RASSF8: variants seen among roughly 807,000 people sequenced by gnomAD.
The protein encoded by RASSF8 is ras association domain-containing protein 8.
RASSF8 carries 22 observed loss-of-function variants against 48.5 expected under a neutral mutation model. That is an observed-to-expected ratio of 0.45 (90% CI 0.32 to 0.65). The LOEUF is 0.65. Ranked by LOEUF, RASSF8 falls within the 30% of genes least tolerant of loss-of-function variation. The pLI, the probability that RASSF8 is intolerant of heterozygous loss-of-function variation, is 0.03. For missense variants in RASSF8, 418 were observed against 489.2 expected, an observed-to-expected ratio of 0.85 and a Z score of 1.37; for synonymous variants, 127 against 171.5, an observed-to-expected ratio of 0.74 and a Z score of 2.03.
chr12:26,067,914 C>A lies in RASSF8; in HGVS notation c.1138+201C>A, dbSNP rs539889442. ...CTGTAGCCGGGGCTACAGGTGCATG[C>A]CACCATACCTGGCTGATTTTCTTTT... On this transcript the variant is annotated intron_variant, in intron 5 of 5. Transcript: ENST00000689635. Among the ~76,000 whole-genome samples, 241 of 152,158 alleles carry A rather than the reference C, an allele frequency of 1.6e-3. 1 individual carries two copies. The highest frequency in any genetic ancestry group is 5.5e-3 in the African/African-American group (229 of 41,518).
At chr12:25,965,747 A>G (rs905420328) in intron 1 of RASSF8, among the ~76,000 whole-genome samples, 8 of 152,168 alleles carry the variant, frequency 5.3e-5, no homozygotes, top group African/African-American at 1.9e-4. Context: ...GAGTAGTTCA[A>G]ATTTTCTGGA....
At chr12:26,075,886 G>A (rs2729626), downstream of RASSF8, among the ~76,000 whole-genome samples, 3 of 152,074 alleles carry the variant, frequency 2.0e-5, no homozygotes, top group East Asian at 1.9e-4. Context: ...GCTCACCAGA[G>A]AAGCCACTGT....
rs553594491 is a variant in RASSF8 at position 25,974,401 on chromosome 12, T to C, written c.-203+15253T>C. ...TGGAAGTCCACATTGAATTGGAACA[T>C]GTTTTTCCAAAGGTATTTATCCTAC... On this transcript the variant is annotated intron_variant, in intron 1 of 5. Coordinates refer to ENST00000689635, the MANE Select transcript of RASSF8 (RefSeq NM_001394098.1). Among the ~76,000 whole-genome samples, 81 of 152,164 alleles carry C rather than the reference T, an allele frequency of 5.3e-4. 1 individual carries two copies. The highest frequency in any genetic ancestry group is 1.9e-3 in the African/African-American group (80 of 41,530).
intron 4 of RASSF8, among the ~76,000 whole-genome samples, chr12:26,066,676 G>A (rs937795347): frequency 3.9e-5 from 6 of 152,158 alleles, no homozygotes; most frequent in Admixed American, 2.0e-4. Flanking sequence ...ACTGAAAAGT[G>A]TCTGATAATC....
At chr12:25,983,708 A>C (rs1941798373) in intron 1 of RASSF8, among the ~76,000 whole-genome samples, 1 of 151,774 alleles carries the variant, frequency 6.6e-6, no homozygotes, top group Non-Finnish European at 1.5e-5. Flanking sequence ...GAAAAAAAAC[A>C]AAAAAGCTGG....
chr12:25,977,479 T>A (rs1480584567), intron 1 of RASSF8, among the ~76,000 whole-genome samples: 1 of 152,002 alleles, frequency 6.6e-6, no homozygotes, highest in African/African-American at 2.4e-5. Context: ...TATGATTATT[T>A]TGATTTTTTT....
intron 2 of RASSF8, among the ~76,000 whole-genome samples, chr12:26,012,623 A>G (rs1183962962): frequency 1.3e-5 from 2 of 151,194 alleles, no homozygotes; most frequent in Non-Finnish European, 2.9e-5. Context: ...TGGGCCTATG[A>G]TTAGTATCCA....
At chr12:25,961,953 A>G (rs1941245437) in intron 1 of RASSF8, among the ~76,000 whole-genome samples, 1 of 152,122 alleles carries the variant, frequency 6.6e-6, no homozygotes, top group Admixed American at 6.5e-5. Context: ...CTATTCTGCC[A>G]TCCTAATGCA....
intron 2 of RASSF8, among the ~76,000 whole-genome samples, chr12:26,003,656 A>G (rs1942315522): frequency 6.6e-6 from 1 of 152,162 alleles, no homozygotes; most frequent in African/African-American, 2.4e-5. Context: ...GAAACATACT[A>G]AAGTGTTAAT....
At chr12:25,971,766 A>C (rs955070985) in intron 1 of RASSF8, among the ~76,000 whole-genome samples, 1 of 152,260 alleles carries the variant, frequency 6.6e-6, no homozygotes, top group African/African-American at 2.4e-5. Flanking sequence ...TTGTAGATAC[A>C]GCAGACACAT....
chr12:26,051,996 A>T (rs1173658990), intron 2 of RASSF8, among the ~76,000 whole-genome samples: 2 of 152,194 alleles, frequency 1.3e-5, no homozygotes, highest in African/African-American at 4.8e-5. Context: ...ACTCACAAAA[A>T]ACATGGCACC....
At chr12:26,042,997 C>A (rs1365866988) in intron 2 of RASSF8, among the ~76,000 whole-genome samples, 1 of 152,146 alleles carries the variant, frequency 6.6e-6, no homozygotes, top group African/African-American at 2.4e-5. Flanking sequence ...CCATTCCCCC[C>A]CTAGTTAAGC....
At chr12:26,040,367 G>T (rs1943237612) in intron 2 of RASSF8, among the ~76,000 whole-genome samples, 2 of 152,226 alleles carry the variant, frequency 1.3e-5, no homozygotes, top group Non-Finnish European at 2.9e-5. Flanking sequence ...GCTAATATCA[G>T]TGAGGTAGGA....
At chr12:26,059,837 T>C (rs1323584642) in intron 3 of RASSF8, among the ~76,000 whole-genome samples, 1 of 152,240 alleles carries the variant, frequency 6.6e-6, no homozygotes, top group African/African-American at 2.4e-5. Flanking sequence ...TAGTGTTTTC[T>C]ACTTATTTTG....
chr12:25,971,493 C>T (rs1941482874), intron 1 of RASSF8, among the ~76,000 whole-genome samples: 1 of 152,102 alleles, frequency 6.6e-6, no homozygotes, highest in South Asian at 2.1e-4. Flanking sequence ...GATCTCTCTT[C>T]TGTGTTCTGG....
chr12:26,068,971 G>C lies in RASSF8; in HGVS notation c.*153G>C. The C allele has an allele frequency of 7.3e-7, 1 of 1,379,242 alleles. No individual in the cohort carries two copies. The highest frequency in any genetic ancestry group is 9.4e-7 in the Non-Finnish European group (1 of 1,066,984). The allele number at this position is 1,379,242 out of a possible 1,614,324, so 85.4% of individuals were successfully genotyped here. A position where few individuals can be genotyped will look rare whatever the true frequency, so the allele number is the denominator to read the frequency against. The stretch of plus-strand genomic sequence containing the variant: ...TGCATACCACTTGGAGCCATACCCT[G>C]TGCACTGATGCTAAAGAACAAAGAA... On this transcript the variant is annotated 3_prime_UTR_variant, in exon 6 of 6. Coordinates refer to ENST00000689635, the MANE Select transcript of RASSF8 (RefSeq NM_001394098.1).
intron 1 of RASSF8, among the ~76,000 whole-genome samples, chr12:25,987,718 T>A (rs866900497): frequency 3.3e-5 from 5 of 152,232 alleles, no homozygotes; most frequent in East Asian, 1.9e-4. Context: ...TCATTTTCTA[T>A]CCAACAGTAG....
chr12:25,970,622 TA>T (rs774378828), intron 1 of RASSF8, among the ~76,000 whole-genome samples: 4 of 152,320 alleles, frequency 2.6e-5, no homozygotes, highest in East Asian at 3.9e-4. Flanking sequence ...ACTGACCTGC[TA>T]AAAGCCCAAC....
At chr12:25,991,487 T>C (rs1942013790) in intron 1 of RASSF8, among the ~76,000 whole-genome samples, 1 of 152,090 alleles carries the variant, frequency 6.6e-6, no homozygotes, top group Non-Finnish European at 1.5e-5. Context: ...GTGAATGGTT[T>C]TAATTCTGGA....
Sources: gnomAD v4.1 joint callset for allele counts (sites outside exome capture counted in the v4.1 genomes callset) on GRCh38, gnomAD v4.1.1 for gene constraint, MANE v1.5 for transcripts, NCBI Gene and HGNC (gene_info 2026-07-23, HGNC 2026-07-21) for gene names.